The following ELK4 variants were observed in gnomAD, a reference collection of about 807,000 sequenced individuals.
The protein encoded by ELK4 is ETS domain-containing protein Elk-4.
Under a neutral mutation model 29.6 loss-of-function variants are expected in ELK4, and 16 were observed. That is an observed-to-expected ratio of 0.54 (90% CI 0.37 to 0.82). The LOEUF (loss-of-function observed/expected upper bound fraction) is 0.82, where lower values mean the gene tolerates loss of function less well. Ranked by LOEUF, ELK4 falls within the 40% of genes least tolerant of loss-of-function variation. The pLI is 0.00. For synonymous variants in ELK4, 213 were observed against 191.1 expected (o/e 1.11, Z -0.95); for missense variants, 465 against 507.1 (o/e 0.92, Z 0.80).
chr1:205,615,773 G>T lies in ELK4; in HGVS notation c.*773C>A, dbSNP rs1433631357. ...GAGGGCAAAGAGCATTTCTGTGCTA[G>T]ATGTGAGGTCCCATATTCTTACTAG... On this transcript the variant is annotated 3_prime_UTR_variant, in exon 5 of 5. Transcript: ENST00000357992. The T allele has an allele frequency of 4.7e-6, 1 of 211,056 alleles. No individual in the cohort carries two copies. Among genetic ancestry groups the T allele is most frequent in the Non-Finnish European group, 9.6e-6 (1 of 104,168 alleles). 13.1% of individuals were successfully genotyped at this position (211,056 alleles called of 1,614,324 possible). A position where few individuals can be genotyped will look rare whatever the true frequency, so the allele number is the denominator to read the frequency against.
chr1:205,617,619 G>C lies in ELK4; in HGVS notation c.1198-975C>G, dbSNP rs953418779. On this transcript the variant is annotated intron_variant, in intron 4 of 4. Coordinates refer to ENST00000357992, the MANE Select transcript of ELK4 (RefSeq NM_001973.4). ...CTCTATTAAAAAAAAAAAAATGCTT[G>C]GGCCGCGTGCAGTGGCTCATGCCTG... Among the ~76,000 whole-genome samples the C allele has an allele frequency of 9.2e-5, 14 of 151,890 alleles. No individual in the cohort carries two copies. The East Asian group carries it at 2.7e-3, about 29-fold the overall frequency.
intron 1 of ELK4, chr1:205,626,181 G>A: frequency 8.1e-6 from 5 of 619,836 alleles, no homozygotes; most frequent in Non-Finnish European, 6.3e-6. Flanking sequence ...TGGAAGGGGG[G>A]TCTCATTCTA....
At chr1:205,627,228 G>A (rs1670483369) in intron 1 of ELK4, among the ~76,000 whole-genome samples, 1 of 152,174 alleles carries the variant, frequency 6.6e-6, no homozygotes, top group Non-Finnish European at 1.5e-5. Flanking sequence ...TATAAACTTA[G>A]GCAGGGCGCA....
chr1:205,619,753 C>T, intron 3 of ELK4: 1 of 1,491,960 alleles, frequency 6.7e-7, no homozygotes, highest in Non-Finnish European at 8.9e-7. Context: ...ACTTGTAGAA[C>T]AATGAATTTT....
chr1:205,626,187 T>C (rs926371697), intron 1 of ELK4: 3 of 611,388 alleles, frequency 4.9e-6, no homozygotes, highest in Non-Finnish European at 6.4e-6. Context: ...GGGGGTCTCA[T>C]TCTACAGAGA....
At chr1:205,620,978 C>T (rs750555496) in intron 2 of ELK4, 140 bp from the exon 3 acceptor site, 35 of 964,362 alleles carry the variant, frequency 3.6e-5, no homozygotes, top group Non-Finnish European at 4.8e-5. Context: ...GGGCGGATCA[C>T]GAGGTCAGGA....
rs1168382670 is a variant in ELK4, at chr1:205,620,619, G to A, written c.427C>T (p.His143Tyr). The A allele has an allele frequency of 6.2e-6, 10 of 1,614,076 alleles. No homozygotes were observed. Among genetic ancestry groups the A allele is most frequent in the African/African-American group, 2.7e-5 (2 of 74,922 alleles). ...AKTSSRNDYIHSGLYSSFTLN... is the reference protein window; with the variant it reads ...AKTSSRNDYIYSGLYSSFTLN... ...GTAAATGAAGAATATAAGCCAGAGT[G>A]TATGTAGTCATTGCGGCTAGAGGTC... The change falls in exon 3 of 5, where the codon CAC (histidine) becomes TAC (tyrosine). Residue 143 changes from histidine to tyrosine, a missense_variant. Physicochemically the swap from His to Tyr is moderately conservative, Grantham distance 83. This residue lies in a region of ELK4 where 385 missense variants were observed against 387.5 expected (regional missense o/e 0.99). Transcript: ENST00000357992.
At chr1:205,630,096 C>CAAA (rs113979690) in intron 1 of ELK4, among the ~76,000 whole-genome samples, 5 of 140,566 alleles carry the variant, frequency 3.6e-5, no homozygotes, top group African/African-American at 1.3e-4. Flanking sequence ...TGTTACCTAT[C>CAAA]AAAAAAAAAA....
Position 205,612,620 on chromosome 1 carries a change from C to T in ELK4, c.*3926G>A, listed in dbSNP as rs1271348069. 4.7e-6 allele frequency: 1 copy of T among 210,886 alleles called. No individual in the cohort carries two copies. The highest frequency in any genetic ancestry group is 9.6e-6 in the Non-Finnish European group (1 of 104,138). 13.1% of individuals were successfully genotyped at this position (210,886 alleles called of 1,614,324 possible). A position where few individuals can be genotyped will look rare whatever the true frequency, so the allele number is the denominator to read the frequency against. On this transcript the variant is annotated 3_prime_UTR_variant, in exon 5 of 5. Coordinates refer to ENST00000357992, the MANE Select transcript of ELK4 (RefSeq NM_001973.4). ...GGTATTGAGAAGTGGTACTGAGTGGCTCTAAATGTGCTTACATTCACCAAA... is the reference window on the plus strand; with the variant it reads ...GGTATTGAGAAGTGGTACTGAGTGGTTCTAAATGTGCTTACATTCACCAAA...
In ELK4 at chr1:205,623,730, C is replaced by G; in HGVS notation, c.153G>C (p.Lys51Asn). ...VARLWGIRKN[K>N]PNMNYDKLSR... ...TGAGTTTGTCATAATTCATGTTAGG[C>G]TTGTTCTTGCGAATCCCCCAGAGAC... The change falls in exon 2 of 5, where the codon AAG becomes AAC. Residue 51 changes from lysine to asparagine, a missense_variant. Transcript: ENST00000357992. 1 of 1,614,150 alleles carries G rather than the reference C, an allele frequency of 6.2e-7. No homozygotes were observed. The highest frequency in any genetic ancestry group is 8.5e-7 in the Non-Finnish European group (1 of 1,180,030).
chr1:205,625,180 T>C (rs1477996579), intron 1 of ELK4, among the ~76,000 whole-genome samples: 1 of 152,158 alleles, frequency 6.6e-6, no homozygotes, highest in Non-Finnish European at 1.5e-5. Context: ...AAAATTGTTG[T>C]GCTGCAAATA....
chr1:205,621,840 T>C (rs1434164700), intron 2 of ELK4, among the ~76,000 whole-genome samples: 1 of 151,094 alleles, frequency 6.6e-6, no homozygotes, highest in Non-Finnish European at 1.5e-5. Flanking sequence ...ATTTAGAACA[T>C]AGTATCTGTT....
Position 205,613,981 on chromosome 1 carries a change from A to G in ELK4, c.*2565T>C. The G allele has an allele frequency of 4.5e-6, 1 of 223,378 alleles. No individual in the cohort carries two copies. The allele number at this position is 223,378 out of a possible 1,614,324, so 13.8% of individuals were successfully genotyped here. A position where few individuals can be genotyped will look rare whatever the true frequency, so the allele number is the denominator to read the frequency against. On this transcript the variant is annotated 3_prime_UTR_variant, in exon 5 of 5. Transcript: ENST00000357992. The stretch of plus-strand genomic sequence containing the variant: ...AATATGAAGCTGAGACTTTTCCAGG[A>G]AGGAGGTAGTCTATAAACAGAACTG...
chr1:205,628,391 T>A (rs1670507261), intron 1 of ELK4, among the ~76,000 whole-genome samples: 1 of 152,218 alleles, frequency 6.6e-6, no homozygotes, highest in Non-Finnish European at 1.5e-5. Flanking sequence ...GAACTCAATT[T>A]CCACATTTCC....
chr1:205,619,292 C>A (rs1239331373), intron 3 of ELK4: 1 of 1,042,928 alleles, frequency 9.6e-7, no homozygotes, highest in Non-Finnish European at 1.2e-6. Context: ...ATTTTTATTT[C>A]AATAGTTTTT....
At chr1:205,627,538 A>G (rs1184859085) in intron 1 of ELK4, among the ~76,000 whole-genome samples, 18 of 151,526 alleles carry the variant, frequency 1.2e-4, no homozygotes. Context: ...AAATATTATA[A>G]ACTTAGATTG....
intron 1 of ELK4, chr1:205,625,921 C>T (rs1382822409): frequency 7.9e-6 from 6 of 758,928 alleles, no homozygotes; most frequent in Admixed American, 7.0e-5. Context: ...TCATGATCCG[C>T]CTGCCTTGGC....
chr1:205,623,960 C>A, intron 1 of ELK4, 69 bp from the exon 2 acceptor site: 1 of 1,415,532 alleles, frequency 7.1e-7, no homozygotes, highest in Non-Finnish European at 9.9e-7. Context: ...GTATGTCATG[C>A]ACTGTTTTAA....
intron 3 of ELK4, 48 bp from the exon 4 acceptor site, chr1:205,619,121 T>C (rs776637033): frequency 7.0e-7 from 1 of 1,432,860 alleles, no homozygotes; most frequent in African/African-American, 1.5e-5. Flanking sequence ...TACCAGGATG[T>C]TTTATCCTTG....
Sources: gnomAD v4.1 joint callset for allele counts (sites outside exome capture counted in the v4.1 genomes callset) on GRCh38, gnomAD v4.1.1 for gene constraint, gnomAD v4.1.1 regional missense constraint, MANE v1.5 for transcripts, NCBI Gene and HGNC (gene_info 2026-07-23, HGNC 2026-07-21) for gene names.